ZCCHC7: variants seen among roughly 807,000 people sequenced by gnomAD.
ZCCHC7 encodes zinc finger CCHC domain-containing protein 7.
A neutral mutation model predicts 52.0 loss-of-function variants in ZCCHC7; 35 were observed. The observed-to-expected ratio is 0.67, with a 90% CI of 0.51 to 0.89. The LOEUF (loss-of-function observed/expected upper bound fraction) is 0.89. ZCCHC7 is among the 40% of genes least tolerant of loss of function. ZCCHC7 has a pLI of 0.00. For synonymous variants in ZCCHC7, 217 were observed against 221.5 expected (o/e 0.98, Z 0.18); for missense variants, 574 against 649.1 (o/e 0.88, Z 1.26).
At position 37,126,308 on chromosome 9, in the gene ZCCHC7, G is replaced by C. The variant is rs971370238; in HGVS notation, c.-21-4G>C. On this transcript the variant is annotated splice_region_variant and splice_polypyrimidine_tract_variant and intron_variant, in intron 1 of 8. Coordinates refer to ENST00000336755, the MANE Select transcript of ZCCHC7 (RefSeq NM_032226.3). ...TATTCTGTGTACAACTTTCTCTTTT[G>C]CAGCTTCAAGGTTACTGACTTTTTA... 9 of 1,590,672 alleles carry C rather than the reference G, an allele frequency of 5.7e-6. No individual in the cohort carries two copies. The highest frequency in any genetic ancestry group is 6.8e-6 in the Non-Finnish European group (8 of 1,170,084).
intron 6 of ZCCHC7, among the ~76,000 whole-genome samples, chr9:37,338,661 C>T (rs1337602677): frequency 6.6e-6 from 1 of 152,152 alleles, no homozygotes; most frequent in African/African-American, 2.4e-5. Context: ...GCAAATTACT[C>T]TCAGGTAAAC....
At chr9:37,150,780 TTA>T (rs1820476778) in intron 2 of ZCCHC7, among the ~76,000 whole-genome samples, 1 of 152,130 alleles carries the variant, frequency 6.6e-6, no homozygotes, top group Non-Finnish European at 1.5e-5. Context: ...GAAGTTTGTT[TTA>T]TGAGTTTTTA....
chr9:37,308,716 C>T (rs529868011), intron 5 of ZCCHC7, among the ~76,000 whole-genome samples: 1 of 152,196 alleles, frequency 6.6e-6, no homozygotes, highest in African/African-American at 2.4e-5. Flanking sequence ...CCTGGTGGCT[C>T]ACACTTGTAA....
chr9:37,308,335 A>G (rs1432229197), intron 5 of ZCCHC7, among the ~76,000 whole-genome samples: 1 of 150,990 alleles, frequency 6.6e-6, no homozygotes, highest in Non-Finnish European at 1.5e-5. Flanking sequence ...GTTATCTTTA[A>G]TAGCATCTGT....
intron 2 of ZCCHC7, among the ~76,000 whole-genome samples, chr9:37,198,573 G>C (rs990550929): frequency 1.3e-5 from 2 of 152,158 alleles, no homozygotes; most frequent in Admixed American, 6.5e-5. Flanking sequence ...AAGATCTAGA[G>C]TCTATGAGGA....
chr9:37,144,032 A>G (rs1843336152), intron 2 of ZCCHC7, among the ~76,000 whole-genome samples: 1 of 151,832 alleles, frequency 6.6e-6, no homozygotes, highest in Non-Finnish European at 1.5e-5. Context: ...GAAAATTTAG[A>G]CTTTTTAATT....
At chr9:37,241,317 T>G (rs1389942618) in intron 2 of ZCCHC7, among the ~76,000 whole-genome samples, 1 of 151,830 alleles carries the variant, frequency 6.6e-6, no homozygotes, top group Non-Finnish European at 1.5e-5. Flanking sequence ...TGACTTAAAC[T>G]CTTGATTCTT....
rs373390684 is a variant in ZCCHC7, at chr9:37,298,870, G to A, written c.611-3318G>A. On this transcript the variant is annotated intron_variant, in intron 2 of 8. Transcript: ENST00000336755. ...TATCCATTCTTCTGAATTTACCATAGCATTTGTTTGGCCTTCTCTTACTCT... is the reference window on the plus strand; with the variant it reads ...TATCCATTCTTCTGAATTTACCATAACATTTGTTTGGCCTTCTCTTACTCT... 4.6e-4 allele frequency among the ~76,000 whole-genome samples: 70 copies of A among 152,176 alleles called. No individual in the cohort carries two copies. In the South Asian group the frequency reaches 0.013, roughly 29 times the overall value.
chr9:37,318,928 G>A (rs903568994), intron 5 of ZCCHC7, among the ~76,000 whole-genome samples: 26 of 137,550 alleles, frequency 1.9e-4, no homozygotes, highest in African/African-American at 7.1e-4. Context: ...GGGCAACAGA[G>A]TGAGACTCTG....
intron 2 of ZCCHC7, among the ~76,000 whole-genome samples, chr9:37,241,860 C>G (rs1334311860): frequency 6.6e-6 from 1 of 151,754 alleles, no homozygotes; most frequent in African/African-American, 2.4e-5. Flanking sequence ...TTTATAACTT[C>G]CAAATTGACT....
chr9:37,120,600 T>A lies in ZCCHC7; in HGVS notation c.-45T>A, dbSNP rs1842260335. On this transcript the variant is annotated 5_prime_UTR_variant, in exon 1 of 9. Transcript: ENST00000336755. Reference sequence around the variant, plus strand: ...TCTACGCGTTTTGGTTCCCGGTTGGTGCTTCCTGTTCGCAGCTGCGGCAGT... The same window carrying A: ...TCTACGCGTTTTGGTTCCCGGTTGGAGCTTCCTGTTCGCAGCTGCGGCAGT... 1 of 398,712 alleles carries A rather than the reference T, an allele frequency of 2.5e-6. No homozygotes were observed. The highest frequency in any genetic ancestry group is 1.3e-4 in the South Asian group (1 of 7,872). The allele number at this position is 398,712 out of a possible 1,614,324, so 24.7% of individuals were successfully genotyped here.
chr9:37,227,361 A>C (rs975224889), intron 2 of ZCCHC7, among the ~76,000 whole-genome samples: 5 of 152,222 alleles, frequency 3.3e-5, no homozygotes, highest in African/African-American at 9.6e-5. Flanking sequence ...TGAAAAGATC[A>C]AAATCATTAG....
At chr9:37,232,754 A>G (rs1018488919) in intron 2 of ZCCHC7, among the ~76,000 whole-genome samples, 1 of 152,242 alleles carries the variant, frequency 6.6e-6, no homozygotes, top group Non-Finnish European at 1.5e-5. Flanking sequence ...TCACATACAC[A>G]TAAAGAGATA....
chr9:37,177,362 AAAAT>A (rs1219636748), intron 2 of ZCCHC7, among the ~76,000 whole-genome samples: 1 of 152,142 alleles, frequency 6.6e-6, no homozygotes, highest in Non-Finnish European at 1.5e-5. Context: ...ATAAAATTAA[AAAAT>A]AAAAGCATGG....
intron 2 of ZCCHC7, among the ~76,000 whole-genome samples, chr9:37,192,603 A>G (rs1274694964): frequency 6.6e-6 from 1 of 152,232 alleles, no homozygotes; most frequent in African/African-American, 2.4e-5. Context: ...CTATTTCTTG[A>G]AGAGTTATTC....
At chr9:37,291,252 T>G (rs1301582784) in intron 2 of ZCCHC7, among the ~76,000 whole-genome samples, 2 of 152,218 alleles carry the variant, frequency 1.3e-5, no homozygotes, top group African/African-American at 4.8e-5. Context: ...AACCTAATGA[T>G]GTAATGAACT....
At chr9:37,295,636 T>C (rs1029469363) in intron 2 of ZCCHC7, among the ~76,000 whole-genome samples, 1 of 152,202 alleles carries the variant, frequency 6.6e-6, no homozygotes, top group Non-Finnish European at 1.5e-5. Context: ...AGTTGAGCTT[T>C]CTGGTTTGGA....
intron 8 of ZCCHC7, among the ~76,000 whole-genome samples, chr9:37,355,177 T>A (rs563625674): frequency 1.3e-5 from 2 of 152,224 alleles, no homozygotes; most frequent in South Asian, 2.1e-4. Context: ...TATTTTTTTA[T>A]GGAAAGAAAG....
chr9:37,236,484 T>C (rs1825657215), intron 2 of ZCCHC7, among the ~76,000 whole-genome samples: 1 of 151,886 alleles, frequency 6.6e-6, no homozygotes, highest in South Asian at 2.1e-4. Context: ...CTCCGCCTCC[T>C]GCGTTCACGC....
Sources: allele counts gnomAD v4.1 joint callset (sites outside exome capture counted in the v4.1 genomes callset), GRCh38; gene constraint gnomAD v4.1.1; transcripts MANE v1.5; gene names NCBI Gene and HGNC (gene_info 2026-07-23, HGNC 2026-07-21).